Variants in IGSF8 observed in about 807,000 individuals in gnomAD.
IGSF8 encodes the protein immunoglobulin superfamily member 8.
IGSF8 carries 46 observed loss-of-function variants against 55.5 expected under a neutral mutation model. The ratio of observed to expected loss-of-function variants is 0.83; its 90% CI spans 0.65 to 1.06. IGSF8 has a LOEUF of 1.06. Among genes scored for constraint, IGSF8 ranks in the 50% least tolerant of loss-of-function variants. The pLI, the probability that IGSF8 is intolerant of heterozygous loss-of-function variation, is 0.00. For missense variants in IGSF8, 731 were observed against 832.3 expected (o/e 0.88, Z 1.50); for synonymous variants, 314 against 356.1 (o/e 0.88, Z 1.33).
chr1:160,093,685 A>T (rs559947799), intron 3 of IGSF8, 25 bp downstream of exon 3: 1 of 1,560,474 alleles, frequency 6.4e-7, no homozygotes, highest in Admixed American at 1.7e-5. Context: ...CAGCTCCCAC[A>T]GTGGGATGTA....
At chr1:160,095,364 G>A (rs1031094610) in intron 1 of IGSF8, 118 bp from the exon 2 acceptor site, 1 of 1,048,206 alleles carries the variant, frequency 9.5e-7, no homozygotes, top group African/African-American at 1.6e-5. Flanking sequence ...GGGAAAGCTT[G>A]TCCACAGCTT....
rs767142482 is a variant in IGSF8, at chr1:160,094,990, A to G, written c.321T>C (p.Gly107=). The change falls in exon 2 of 7, where the codon GGT becomes GGC. Residue 107 remains glycine, a synonymous_variant. Coordinates refer to ENST00000314485, the MANE Select transcript of IGSF8 (RefSeq NM_052868.6). The surrounding 1 kb of genome is among the most constrained non-coding windows in gnomAD (Gnocchi z 4.0). ...GGGCAATCTTGAGCACCACGGCATC[A>G]CCTTGTAGGCGCTGCACCTGCACCT... ...AGEVQVQRLQ[G]DAVVLKIARL... The G allele has an allele frequency of 3.1e-6, 5 of 1,614,070 alleles. No homozygotes were observed. In the South Asian group the frequency reaches 5.5e-5, roughly 18 times the overall value.
rs776012419 is a variant in IGSF8 at position 160,092,556 on chromosome 1, T to A, written c.1452A>T (p.Pro484=). 2 of 1,611,166 alleles carry A rather than the reference T, an allele frequency of 1.2e-6. No individual in the cohort carries two copies. The highest frequency in any genetic ancestry group is 3.3e-5 in the Admixed American group (2 of 59,950). The change falls in exon 5 of 7, where the codon CCA becomes CCT. Residue 484 remains proline (P), a synonymous_variant. Coordinates refer to ENST00000314485, the MANE Select transcript of IGSF8 (RefSeq NM_052868.6). ...GGACAGAGCTGAGCTCTCCGTCCTCTGGTCGCTCCACCCACCAGCTGGCGG... is the reference window on the plus strand; with the variant it reads ...GGACAGAGCTGAGCTCTCCGTCCTCAGGTCGCTCCACCCACCAGCTGGCGG... ...RLAASWWVER[P]EDGELSSVPA... is the part of the protein sequence containing the mutation.
intron 1 of IGSF8, among the ~76,000 whole-genome samples, chr1:160,097,276 G>A (rs1312884182): frequency 6.6e-6 from 1 of 152,120 alleles, no homozygotes; most frequent in African/African-American, 2.4e-5. Flanking sequence ...GCCCACTGGG[G>A]AAAACACACC....
chr1:160,097,730 C>T (rs1650531241), intron 1 of IGSF8: 1 of 985,324 alleles, frequency 1.0e-6, no homozygotes, highest in Non-Finnish European at 1.2e-6. Context: ...GCACAAGGTG[C>T]TTGGAGATCC....
rs757699631 is a variant in IGSF8 at position 160,093,185 on chromosome 1, C to A, written c.1051G>T (p.Gly351Trp). 2 of 1,613,642 alleles carry A rather than the reference C, an allele frequency of 1.2e-6. No individual in the cohort carries two copies. Among genetic ancestry groups the A allele is most frequent in the Admixed American group, 3.3e-5 (2 of 59,958 alleles). The part of the protein sequence containing the change: ...YSVGWEMAPA[G>W]APGPGRLVAQ... ...ACCAGGCGGCCGGGCCCAGGTGCCC[C>A]CGCAGGTGCCATCTCCCAACCTACA... Residue 351 changes from glycine to tryptophan, a missense_variant, in exon 4 of 7, where the codon GGG becomes TGG. Gly to Trp is a radical substitution (Grantham distance 184, BLOSUM62 -2). Coordinates refer to ENST00000314485, the MANE Select transcript of IGSF8 (RefSeq NM_052868.6).
intron 5 of IGSF8, 93 bp downstream of exon 5, chr1:160,092,189 T>C: frequency 1.5e-6 from 2 of 1,310,632 alleles, no homozygotes; most frequent in South Asian, 1.2e-5. Flanking sequence ...AGGAGAGAGA[T>C]AGTAGCAGGA....
chr1:160,091,758 G>C (rs1293538830), intron 6 of IGSF8, 50 bp downstream of exon 6: 2 of 1,177,248 alleles, frequency 1.7e-6, no homozygotes, highest in African/African-American at 1.5e-5. Flanking sequence ...TTCAGGACTT[G>C]GGGGTGGGAA....
Position 160,092,386 on chromosome 1 carries a change from A to G in IGSF8, c.1622T>C (p.Val541Ala), listed in dbSNP as rs1321883641. ...CCAGGCGCTGGGGGCACAGTGGTAC[A>G]CGCCTTCATCCTCGGGCCCCAAGCT... The part of the protein sequence containing the change: ...LHSLGPEDEG[V>A]YHCAPSAWVQ... The change falls in exon 5 of 7, where the codon GTG (valine) becomes GCG (alanine). Residue 541 changes from valine (V) to alanine (A), a missense_variant. Coordinates refer to ENST00000314485, the MANE Select transcript of IGSF8 (RefSeq NM_052868.6). The G allele has an allele frequency of 1.9e-6, 3 of 1,611,492 alleles. No homozygotes were observed. The African/African-American group carries it at 4.0e-5, about 22-fold the overall frequency.
Position 160,093,902 on chromosome 1 carries a change from A to T in IGSF8, c.712T>A (p.Leu238Met), listed in dbSNP as rs747725258. 1 of 1,614,100 alleles carries T rather than the reference A, an allele frequency of 6.2e-7. No individual in the cohort carries two copies. The highest frequency in any genetic ancestry group is 8.5e-7 in the Non-Finnish European group (1 of 1,180,038). ...CCCAGACGAAGCTCCCCTGCAGCCAATCGCTCAGCATAGGGAGCTCCAGCC... is the reference window on the plus strand; with the variant it reads ...CCCAGACGAAGCTCCCCTGCAGCCATTCGCTCAGCATAGGGAGCTCCAGCC... ...VEAGAPYAERLAAGELRLGKE... is the reference protein window; with the variant it reads ...VEAGAPYAERMAAGELRLGKE... Residue 238 changes from leucine (L) to methionine (M), a missense_variant, in exon 3 of 7, where the codon TTG (leucine) becomes ATG (methionine). By Grantham distance (15) the Leu-to-Met change is conservative (BLOSUM62 2). Coordinates refer to ENST00000314485, the MANE Select transcript of IGSF8 (RefSeq NM_052868.6).
At chr1:160,092,211 T>C (rs1193902357) in intron 5 of IGSF8, 71 bp downstream of exon 5, 6 of 1,459,878 alleles carry the variant, frequency 4.1e-6, no homozygotes, top group South Asian at 1.1e-5. Context: ...GGTCAGAAGA[T>C]GGGAAGGGAA....
rs1215977974 is a variant in IGSF8 at position 160,095,056 on chromosome 1, C to T, written c.255G>A (p.Gln85=). The T allele has an allele frequency of 1.9e-6, 3 of 1,614,208 alleles. No homozygotes were observed. The South Asian group carries it at 3.3e-5, about 18-fold the overall frequency. ...GGGACTTGAAGACAGCATAGGAGAA[C>T]TGGGTATCCTTGGTACTGACAATGC... ...ALGIVSTKDT[Q]FSYAVFKSRV... The change falls in exon 2 of 7, where the codon CAG becomes CAA. Residue 85 remains glutamine (Q), a synonymous_variant. Transcript: ENST00000314485.
rs1480232727 is a variant in IGSF8 at position 160,092,486 on chromosome 1, G to A, written c.1522C>T (p.Leu508=). ...GGGCCTCCTCCAGGCCGGACTCCCA[G>A]CTCTGCCACACCATCCTGGCCTACG... ...GGVGQDGVAE[L]GVRPGGGPVS... is the part of the protein sequence containing the mutation. The change falls in exon 5 of 7, where the codon CTG becomes TTG. Residue 508 remains leucine, a synonymous_variant. Coordinates refer to ENST00000314485, the MANE Select transcript of IGSF8 (RefSeq NM_052868.6). The A allele has an allele frequency of 1.2e-6, 2 of 1,613,422 alleles. No homozygotes were observed. The highest frequency in any genetic ancestry group is 1.7e-5 in the Admixed American group (1 of 59,964).
In IGSF8 at chr1:160,091,851, C is replaced by G. The variant is rs761744507; in HGVS notation, c.1814G>C (p.Cys605Ser). The change falls in exon 6 of 7, where the codon TGC becomes TCC. Residue 605 changes from cysteine (C) to serine (S), a missense_variant. Physicochemically the swap from Cys to Ser is moderately radical, Grantham distance 112. Coordinates refer to ENST00000314485, the MANE Select transcript of IGSF8 (RefSeq NM_052868.6). Reference protein sequence around the residue: ...GATVLGTITCCFMKRLRKR With the variant: ...GATVLGTITCSFMKRLRKR ...CCGTTTTCGAAGCCTCTTCATGAAG[C>G]AGCAAGTGATGGTACCAAGGACAGT... 1.9e-6 allele frequency: 3 copies of G among 1,613,710 alleles called. No individual in the cohort carries two copies. In the African/African-American group the frequency reaches 4.0e-5, roughly 22 times the overall value.
chr1:160,093,134 C>G lies in IGSF8; in HGVS notation c.1102G>C (p.Gly368Arg), dbSNP rs746027090. Residue 368 changes from glycine to arginine, a missense_variant, in exon 4 of 7, where the codon GGC becomes CGC. Transcript: ENST00000314485. ...CCCTCATAGCCAGGGCCCAGGCTGCCCACACCCTCTGTGTCCAGCTGGGCT... is the reference window on the plus strand; with the variant it reads ...CCCTCATAGCCAGGGCCCAGGCTGCGCACACCCTCTGTGTCCAGCTGGGCT... Reference protein sequence around the residue: ...LVAQLDTEGVGSLGPGYEGRH... With the variant: ...LVAQLDTEGVRSLGPGYEGRH... The G allele has an allele frequency of 6.2e-7, 1 of 1,613,830 alleles. No individual in the cohort carries two copies. The highest frequency in any genetic ancestry group is 1.7e-4 in the Middle Eastern group (1 of 6,060).
chr1:160,093,107 G>A lies in IGSF8; in HGVS notation c.1129C>T (p.Arg377Ter), dbSNP rs201033546. The A allele has an allele frequency of 2.4e-5, 38 of 1,613,738 alleles. No homozygotes were observed. The highest frequency in any genetic ancestry group is 1.6e-4 in the Middle Eastern group (1 of 6,082). ...VGSLGPGYEG[R>*]HIAMEKVASR... ...GCCACCTTCTCCATGGCAATGTGTC[G>A]GCCCTCATAGCCAGGGCCCAGGCTG... The change falls in exon 4 of 7, where the codon CGA becomes TGA. Residue 377 changes from arginine (R) to a stop codon, truncating the protein, a stop_gained. Coordinates refer to ENST00000314485, the MANE Select transcript of IGSF8 (RefSeq NM_052868.6). LOFTEE classifies it high-confidence loss of function.
rs1181255614 is a variant in IGSF8 at position 160,094,788 on chromosome 1, G to C, written c.442+81C>G. On this transcript the variant is annotated intron_variant, in intron 2 of 6. Coordinates refer to ENST00000314485, the MANE Select transcript of IGSF8 (RefSeq NM_052868.6). The surrounding 1 kb of genome is among the most constrained non-coding windows in gnomAD (Gnocchi z 4.0). ...AGTTCCTTGGCTACAAAACCTAAGG[G>C]GCAACTAGATAGGTCACTTGTGGCC... 1.1e-5 allele frequency: 16 copies of C among 1,457,354 alleles called. No individual in the cohort carries two copies. Among genetic ancestry groups the C allele is most frequent in the African/African-American group, 1.4e-5 (1 of 70,140 alleles). 90.3% of individuals were successfully genotyped at this position (1,457,354 alleles called of 1,614,324 possible). A position where few individuals can be genotyped will look rare whatever the true frequency, so the allele number is the denominator to read the frequency against.
intron 1 of IGSF8, among the ~76,000 whole-genome samples, chr1:160,096,454 C>G (rs1458382320): frequency 1.3e-5 from 2 of 152,224 alleles, no homozygotes; most frequent in Admixed American, 6.5e-5. Context: ...CAGAGTGTCA[C>G]TTTTAGGCCT....
At chr1:160,095,980 G>A (rs759831101) in intron 1 of IGSF8, among the ~76,000 whole-genome samples, 3 of 152,200 alleles carry the variant, frequency 2.0e-5, no homozygotes, top group African/African-American at 2.4e-5. Context: ...TACAGAAGGT[G>A]CCTGCCCCAG....
Sources: allele counts gnomAD v4.1 joint callset (sites outside exome capture counted in the v4.1 genomes callset), GRCh38; gene constraint gnomAD v4.1.1; non-coding constraint Gnocchi (gnomAD v3.1); transcripts MANE v1.5; gene names NCBI Gene and HGNC (gene_info 2026-07-23, HGNC 2026-07-21).